GAS7: variants seen among roughly 807,000 people sequenced by gnomAD.
The protein encoded by GAS7 is growth arrest-specific protein 7.
In GAS7, 28 loss-of-function variants were observed where a neutral mutation model predicts 71.1. The ratio of observed to expected loss-of-function variants is 0.39; its 90% CI spans 0.29 to 0.54. The LOEUF (loss-of-function observed/expected upper bound fraction) is 0.54, where lower values mean the gene tolerates loss of function less well. GAS7 is among the 20% of genes least tolerant of loss of function. The probability of loss-of-function intolerance (pLI) is 0.62; values close to 1 mark genes in which losing one functional copy is unlikely to be tolerated. For synonymous variants in GAS7, 258 were observed against 245.8 expected, an observed-to-expected ratio of 1.05 and a Z score of -0.46; for missense variants, 436 against 627.8, an observed-to-expected ratio of 0.69 and a Z score of 3.27.
At chr17:10,010,212 T>C (rs1038533811) in intron 2 of GAS7, among the ~76,000 whole-genome samples, 34 of 152,088 alleles carry the variant, frequency 2.2e-4, no homozygotes, top group African/African-American at 7.0e-4. Flanking sequence ...TGCAGTGGCG[T>C]GATCTTGGCT....
At chr17:10,167,473 T>G (rs1279954368) in intron 1 of GAS7, among the ~76,000 whole-genome samples, 1 of 152,052 alleles carries the variant, frequency 6.6e-6, no homozygotes, top group African/African-American at 2.4e-5. Flanking sequence ...AAGGAGAGAA[T>G]GGGCTGGGCT....
chr17:10,090,056 C>G (rs960695249), intron 1 of GAS7, among the ~76,000 whole-genome samples: 2 of 152,064 alleles, frequency 1.3e-5, no homozygotes, highest in East Asian at 3.9e-4. Flanking sequence ...GTAATCCCAG[C>G]TACTCGGGAG....
At chr17:9,922,101 T>C (rs1450510366) in intron 11 of GAS7, among the ~76,000 whole-genome samples, 2 of 152,166 alleles carry the variant, frequency 1.3e-5, no homozygotes, top group African/African-American at 4.8e-5. Context: ...TTTACCAAGT[T>C]GTTATGAGGA....
chr17:9,962,878 C>T (rs974421201), intron 4 of GAS7, among the ~76,000 whole-genome samples: 8 of 151,928 alleles, frequency 5.3e-5, no homozygotes, highest in African/African-American at 1.7e-4. Context: ...GGTGGTTGTG[C>T]CCCCAAATGC....
Position 10,026,298 on chromosome 17 carries a change from GA to G in GAS7, c.184-6402del. 1.0e-6 allele frequency: 1 copy of G among 985,256 alleles called. No individual in the cohort carries two copies. Among genetic ancestry groups the G allele is most frequent in the Non-Finnish European group, 1.2e-6 (1 of 829,888 alleles). The allele number at this position is 985,256 out of a possible 1,614,324, so 61.0% of individuals were successfully genotyped here. On this transcript the variant is annotated intron_variant, in intron 1 of 13. Transcript: ENST00000432992. The surrounding 1 kb of genome is among the most constrained non-coding windows in gnomAD (Gnocchi z 4.5). ...ACCCAGAAGCAATAGGAGCTCTAAAGAAAAGCATATCCACAGGGCCCCACAC... is the reference window on the plus strand; with the variant it reads ...ACCCAGAAGCAATAGGAGCTCTAAAGAAAGCATATCCACAGGGCCCCACAC...
At chr17:10,050,529 A>G (rs560451907) in intron 1 of GAS7, among the ~76,000 whole-genome samples, 1 of 152,200 alleles carries the variant, frequency 6.6e-6, no homozygotes, top group African/African-American at 2.4e-5. Context: ...CCCCATGACT[A>G]GAGGGCTAGC....
At chr17:10,064,997 T>C (rs2073266236) in intron 1 of GAS7, among the ~76,000 whole-genome samples, 1 of 113,228 alleles carries the variant, frequency 8.8e-6, no homozygotes, top group African/African-American at 3.9e-5. Context: ...ATTTATTTTT[T>C]ATTTATACAG....
At chr17:10,161,316 A>G (rs1344396058) in intron 1 of GAS7, among the ~76,000 whole-genome samples, 2 of 152,198 alleles carry the variant, frequency 1.3e-5, no homozygotes. Context: ...GGTTCACTGT[A>G]GTGAGAGGGA....
rs3786097 is a variant in GAS7 at position 9,969,838 on chromosome 17, C to G, written c.386-76G>C. The stretch of plus-strand genomic sequence containing the variant: ...CCCCCGCCTTTCGTCCACTGCAGCC[C>G]CTTTTCCCACCTCCTTCCTTGGCTC... On this transcript the variant is annotated intron_variant, in intron 3 of 13. Coordinates refer to ENST00000432992, the MANE Select transcript of GAS7 (RefSeq NM_201433.2). The surrounding 1 kb of genome is among the most constrained non-coding windows in gnomAD (Gnocchi z 5.5). The G allele has an allele frequency of 1.1e-6, 1 of 883,306 alleles. No homozygotes were observed. The highest frequency in any genetic ancestry group is 1.7e-5 in the Admixed American group (1 of 57,370). 54.7% of individuals were successfully genotyped at this position (883,306 alleles called of 1,614,324 possible). A position where few individuals can be genotyped will look rare whatever the true frequency, so the allele number is the denominator to read the frequency against.
chr17:9,984,733 T>C (rs1447232415), intron 2 of GAS7, among the ~76,000 whole-genome samples: 1 of 152,174 alleles, frequency 6.6e-6, no homozygotes, highest in African/African-American at 2.4e-5. Context: ...GGAAAGAGCA[T>C]TAATTGGGTT....
At chr17:9,962,734 AG>A in intron 4 of GAS7, among the ~76,000 whole-genome samples, 1 of 152,358 alleles carries the variant, frequency 6.6e-6, no homozygotes, top group Middle Eastern at 3.4e-3. Context: ...GGATACTCAC[AG>A]GGTCTTACAC....
chr17:9,999,246 G>A (rs143317031), intron 2 of GAS7, among the ~76,000 whole-genome samples: 2 of 152,144 alleles, frequency 1.3e-5, no homozygotes. Flanking sequence ...GGCCAGGTAC[G>A]GTGGCTCATG....
Position 9,915,746 on chromosome 17 carries a change from G to A in GAS7, c.*1482C>T. ...AGGTCAAACCCAAAGTGGTCAATGG[G>A]AAAGATGAAGAAAGATGGATTTCCA... On this transcript the variant is annotated 3_prime_UTR_variant, in exon 14 of 14. Transcript: ENST00000432992. The A allele has an allele frequency of 4.3e-6, 1 of 230,896 alleles. No individual in the cohort carries two copies. Among genetic ancestry groups the A allele is most frequent in the African/African-American group, 2.2e-5 (1 of 45,330 alleles). 14.3% of individuals were successfully genotyped at this position (230,896 alleles called of 1,614,324 possible).
chr17:10,145,646 C>T (rs1246423717), intron 1 of GAS7, among the ~76,000 whole-genome samples: 1 of 152,156 alleles, frequency 6.6e-6, no homozygotes, highest in Non-Finnish European at 1.5e-5. Flanking sequence ...TTGGCAGTTC[C>T]GCTGTTTCTG....
chr17:10,103,204 C>T lies in GAS7; in HGVS notation c.184-83307G>A, dbSNP rs2073723266. Among the ~76,000 whole-genome samples the T allele has an allele frequency of 6.6e-6, 1 of 151,824 alleles. No homozygotes were observed. Among genetic ancestry groups the T allele is most frequent in the South Asian group, 2.1e-4 (1 of 4,800 alleles). ...CCCTCCTCTAAAAAAATTAGCCAGG[C>T]GTGGTGGTGCACACTTGTGGTCCTA... On this transcript the variant is annotated intron_variant, in intron 1 of 13. Coordinates refer to ENST00000432992, the MANE Select transcript of GAS7 (RefSeq NM_201433.2). The surrounding 1 kb of genome is among the most constrained non-coding windows in gnomAD (Gnocchi z 5.5).
intron 9 of GAS7, among the ~76,000 whole-genome samples, chr17:9,927,544 T>C (rs537943261): frequency 2.0e-5 from 3 of 152,102 alleles, no homozygotes; most frequent in Non-Finnish European, 4.4e-5. Flanking sequence ...ACACTTATTT[T>C]ATCCCACAGC....
rs537301513 is a variant in GAS7 at position 9,919,715 on chromosome 17, G to C, written c.1139-10C>G. On this transcript the variant is annotated splice_polypyrimidine_tract_variant and intron_variant, in intron 11 of 13. Transcript: ENST00000432992. The surrounding 1 kb of genome is among the most constrained non-coding windows in gnomAD (Gnocchi z 5.0). Reference sequence around the variant, plus strand: ...CGCATGAGGTCGTCTCCTGGAAAAAGACCACAGTCACCATCATGAAGCATC... The same window carrying C: ...CGCATGAGGTCGTCTCCTGGAAAAACACCACAGTCACCATCATGAAGCATC... The C allele has an allele frequency of 5.6e-6, 9 of 1,600,458 alleles. No individual in the cohort carries two copies. The African/African-American group carries it at 1.1e-4, about 19-fold the overall frequency.
chr17:9,939,288 C>T (rs2068511360), intron 8 of GAS7, among the ~76,000 whole-genome samples: 1 of 152,148 alleles, frequency 6.6e-6, no homozygotes, highest in Admixed American at 6.5e-5. Context: ...CTTTTTTACC[C>T]ACTAGGAGTC....
chr17:9,950,398 G>C (rs980337217), intron 5 of GAS7, among the ~76,000 whole-genome samples: 2 of 152,106 alleles, frequency 1.3e-5, no homozygotes, highest in African/African-American at 2.4e-5. Flanking sequence ...TGTAGTCCCA[G>C]CTACTTGGGA....
Sources: gnomAD v4.1 joint callset for allele counts (sites outside exome capture counted in the v4.1 genomes callset) on GRCh38, gnomAD v4.1.1 for gene constraint, Gnocchi (gnomAD v3.1) non-coding constraint, MANE v1.5 for transcripts, NCBI Gene and HGNC (gene_info 2026-07-23, HGNC 2026-07-21) for gene names.